The following CCNC variants were observed in gnomAD, a reference collection of about 807,000 sequenced individuals.
The protein encoded by CCNC is cyclin C.
CCNC carries 19 observed loss-of-function variants against 50.0 expected under a neutral mutation model. The observed-to-expected ratio is 0.38, with a 90% CI of 0.27 to 0.56. The LOEUF is 0.56. Ranked by LOEUF, CCNC falls within the 20% of genes least tolerant of loss-of-function variation. CCNC has a pLI of 0.72. For synonymous variants in CCNC, 93 were observed against 103.7 expected, an observed-to-expected ratio of 0.90 and a Z score of 0.63; for missense variants, 200 against 327.1, an observed-to-expected ratio of 0.61 and a Z score of 3.00.
rs1267024032 is a variant in CCNC, at chr6:99,568,501, G to A, written c.27C>T (p.Ser9=). The change falls in exon 1 of 12, where the codon TCC becomes TCT. Residue 9 remains serine (S), a synonymous_variant. Transcript: ENST00000520429. The part of the protein sequence containing the change: MAGNFWQS[S]HYLQWILDKQ... ...GAAGACGGAAGATCGCTTACTAGTG[G>A]GAGCTCTGCCAAAAGTTCCCTGCCA... 1 of 1,612,864 alleles carries A rather than the reference G, an allele frequency of 6.2e-7. No individual in the cohort carries two copies. Among genetic ancestry groups the A allele is most frequent in the East Asian group, 2.2e-5 (1 of 44,734 alleles).
chr6:99,561,728 A>G (rs749323951), intron 2 of CCNC, 47 bp from the exon 3 acceptor site: 3 of 1,151,696 alleles, frequency 2.6e-6, no homozygotes, highest in Admixed American at 1.7e-5. Flanking sequence ...TGGTATCATT[A>G]TAATATTAAC....
chr6:99,543,832 C>T, intron 11 of CCNC: 1 of 1,367,750 alleles, frequency 7.3e-7, no homozygotes. Context: ...ATATAACAAG[C>T]ATTCTGGAAG....
intron 7 of CCNC, 41 bp downstream of exon 7, chr6:99,550,952 T>A (rs1452507644): frequency 3.7e-5 from 35 of 949,854 alleles, no homozygotes; most frequent in Non-Finnish European, 5.3e-5. Flanking sequence ...TCATTTAATT[T>A]AAAAATGTTT....
At chr6:99,544,812 G>T (rs1275132240) in intron 11 of CCNC, among the ~76,000 whole-genome samples, 2 of 149,674 alleles carry the variant, frequency 1.3e-5, no homozygotes, top group African/African-American at 4.9e-5. Flanking sequence ...TCTGAATTCT[G>T]CCCTGAATTT....
intron 5 of CCNC, 32 bp from the exon 6 acceptor site, chr6:99,551,927 GA>G: frequency 1.5e-6 from 2 of 1,317,810 alleles, no homozygotes; most frequent in Non-Finnish European, 2.0e-6. Flanking sequence ...TTTAAACTGA[GA>G]AAATGGGAAA....
Position 99,548,808 on chromosome 6 carries a change from A to G in CCNC, c.598+700T>C, listed in dbSNP as rs79741731. The stretch of plus-strand genomic sequence containing the variant: ...ACAGAGTGAGACTCCATCTCAAAAA[A>G]AAAAAAAAAAAAAAATCAATAGAAG... On this transcript the variant is annotated intron_variant, in intron 9 of 11. Transcript: ENST00000520429. Among the ~76,000 whole-genome samples the G allele has an allele frequency of 2.7e-5, 4 of 150,262 alleles. No individual in the cohort carries two copies. The Admixed American group carries it at 2.7e-4, about 10-fold the overall frequency.
In CCNC at chr6:99,558,523, C is replaced by G; in HGVS notation, c.320G>C (p.Arg107Thr). 6.2e-7 allele frequency: 1 copy of G among 1,608,104 alleles called. No individual in the cohort carries two copies. Among genetic ancestry groups the G allele is most frequent in the Non-Finnish European group, 8.5e-7 (1 of 1,177,982 alleles). The change falls in exon 5 of 12, where the codon AGA becomes ACA. Residue 107 changes from arginine (R) to threonine (T), a missense_variant. By Grantham distance (71) the Arg-to-Thr change is moderately conservative. Coordinates refer to ENST00000520429, the MANE Select transcript of CCNC (RefSeq NM_005190.4). ...TACAGAAGTAGCAGCAGCAATCAAT[C>G]TTGTATTTGAAACTACTCCAAATTC... is the stretch of plus-strand genomic sequence containing the variant. ...VEEFGVVSNT[R>T]LIAAATSVLK...
Position 99,558,517 on chromosome 6 carries a change from A to G in CCNC, c.326T>C (p.Ile109Thr), listed in dbSNP as rs1562492796. ...EFGVVSNTRL[I>T]AAATSVLKTR... ...CTTACATACAGAAGTAGCAGCAGCA[A>G]TCAATCTTGTATTTGAAACTACTCC... Residue 109 changes from isoleucine to threonine, a missense_variant, in exon 5 of 12, where the codon ATT becomes ACT. Physicochemically the swap from Ile to Thr is moderately conservative, Grantham distance 89. Transcript: ENST00000520429. The G allele has an allele frequency of 4.4e-6, 7 of 1,608,992 alleles. No individual in the cohort carries two copies. Among genetic ancestry groups the G allele is most frequent in the Non-Finnish European group, 5.9e-6 (7 of 1,178,300 alleles).
chr6:99,550,874 A>G (rs946335272), intron 7 of CCNC, 119 bp downstream of exon 7: 1 of 441,006 alleles, frequency 2.3e-6, no homozygotes, highest in Non-Finnish European at 3.8e-6. Context: ...TGATTTCACC[A>G]TCACATATTA....
rs769674194 is a variant in CCNC at position 99,551,831 on chromosome 6, T to A, written c.402+9A>T. ...TTGATAATTGTTCCATTTTATATCA[T>A]ATACTTACATGATTCATCCTATAAG... is the stretch of plus-strand genomic sequence containing the variant. On this transcript the variant is annotated intron_variant, in intron 6 of 11. Transcript: ENST00000520429. 7.2e-7 allele frequency: 1 copy of A among 1,395,102 alleles called. No homozygotes were observed. The highest frequency in any genetic ancestry group is 1.4e-5 in the South Asian group (1 of 71,584). 86.4% of individuals were successfully genotyped at this position (1,395,102 alleles called of 1,614,324 possible).
chr6:99,545,340 C>T (rs1282313676), intron 10 of CCNC, 110 bp from the exon 11 acceptor site: 2 of 626,840 alleles, frequency 3.2e-6, no homozygotes, highest in Non-Finnish European at 5.7e-6. Context: ...AGTCTCTGTC[C>T]TTAAATCCTG....
intron 7 of CCNC, 144 bp from the exon 8 acceptor site, chr6:99,550,453 G>T: frequency 1.6e-6 from 1 of 620,642 alleles, no homozygotes. Context: ...ATTCTCTTAA[G>T]CTAGCAGTAT....
chr6:99,554,852 T>C (rs546762346), intron 5 of CCNC, among the ~76,000 whole-genome samples: 1 of 152,296 alleles, frequency 6.6e-6, no homozygotes, highest in Non-Finnish European at 1.5e-5. Context: ...TACTGGGATG[T>C]CATTGCTTAT....
intron 1 of CCNC, among the ~76,000 whole-genome samples, chr6:99,563,441 A>AG (rs948692235): frequency 1.5e-4 from 23 of 152,328 alleles, no homozygotes; most frequent in Admixed American, 1.4e-3. Context: ...TTACACTGAT[A>AG]GCCTCCTCCT....
In CCNC at chr6:99,543,552, GTT is replaced by G; in HGVS notation, c.*1_*2del. 2 of 1,613,272 alleles carry G rather than the reference GTT, an allele frequency of 1.2e-6. No individual in the cohort carries two copies. The highest frequency in any genetic ancestry group is 1.7e-6 in the Non-Finnish European group (2 of 1,179,446). ...GGTCCACTATGGAATTCTTCGGAAT[GTT>G]TTAAGATTGGCTGTAGCTAGAGTTC... On this transcript the variant is annotated 3_prime_UTR_variant, in exon 12 of 12. Transcript: ENST00000520429.
chr6:99,549,755 CAAAT>C, intron 8 of CCNC, 180 bp from the exon 9 acceptor site: 1 of 452,950 alleles, frequency 2.2e-6, no homozygotes, highest in Non-Finnish European at 3.9e-6. Context: ...AATGTGACAA[CAAAT>C]AAGCACATAT....
chr6:99,559,678 G>A (rs11963611), intron 4 of CCNC, among the ~76,000 whole-genome samples: 57 of 147,832 alleles, frequency 3.9e-4, no homozygotes, highest in African/African-American at 1.4e-3. Flanking sequence ...ATAATGCTAC[G>A]ACCAAATCTG....
At chr6:99,549,754 A>T (rs1802215906) in intron 8 of CCNC, 179 bp from the exon 9 acceptor site, 1 of 455,336 alleles carries the variant, frequency 2.2e-6, no homozygotes, top group Non-Finnish European at 3.9e-6. Flanking sequence ...GAATGTGACA[A>T]CAAATAAGCA....
chr6:99,551,139 C>T (rs1218329416), intron 6 of CCNC, 111 bp from the exon 7 acceptor site: 2 of 500,442 alleles, frequency 4.0e-6, no homozygotes, highest in African/African-American at 2.0e-5. Flanking sequence ...AAAATTTTTA[C>T]TAAAAAGTTT....
Sources: allele counts gnomAD v4.1 joint callset (sites outside exome capture counted in the v4.1 genomes callset), GRCh38; gene constraint gnomAD v4.1.1; transcripts MANE v1.5; gene names NCBI Gene and HGNC (gene_info 2026-07-23, HGNC 2026-07-21).